The following BNIP3L variants were observed in gnomAD, a reference collection of about 807,000 sequenced individuals.
The protein encoded by BNIP3L is BCL2 interacting protein 3 like.
Under a neutral mutation model 25.5 loss-of-function variants are expected in BNIP3L, and 10 were observed. The observed-to-expected ratio is 0.39, with a 90% CI of 0.24 to 0.67. The LOEUF is 0.67. Among genes scored for constraint, BNIP3L ranks in the 30% least tolerant of loss-of-function variants. The pLI, the probability that BNIP3L is intolerant of heterozygous loss-of-function variation, is 0.45. For synonymous variants in BNIP3L, 113 were observed against 101.2 expected (o/e 1.12, Z -0.70); for missense variants, 215 against 270.9 (o/e 0.79, Z 1.45).
intron 3 of BNIP3L, among the ~76,000 whole-genome samples, 177 bp from the exon 4 acceptor site, chr8:26,407,823 T>C (rs548345485): frequency 1.3e-5 from 2 of 152,324 alleles, no homozygotes; most frequent in South Asian, 2.1e-4. Flanking sequence ...TCTGAAGATA[T>C]TACATACTCT....
intron 3 of BNIP3L, among the ~76,000 whole-genome samples, chr8:26,402,666 T>A (rs1173301922): frequency 6.6e-6 from 1 of 152,214 alleles, no homozygotes; most frequent in African/African-American, 2.4e-5. Flanking sequence ...GGCACTTGCC[T>A]GTAGTCTCAG....
At chr8:26,394,579 A>C (rs1806189549) in intron 2 of BNIP3L, among the ~76,000 whole-genome samples, 1 of 152,218 alleles carries the variant, frequency 6.6e-6, no homozygotes, top group African/African-American at 2.4e-5. Flanking sequence ...CTCCAAGTTA[A>C]TAAGAATAGT....
rs186437889 is a variant in BNIP3L, at chr8:26,410,947, C to G, written c.*535C>G. On this transcript the variant is annotated 3_prime_UTR_variant, in exon 6 of 6. Transcript: ENST00000380629. ...AACAAAACAAAAAAAAAAGGCAAGGCACAACAAAAAAATATCCTGGGCAAT... is the reference window on the plus strand; with the variant it reads ...AACAAAACAAAAAAAAAAGGCAAGGGACAACAAAAAAATATCCTGGGCAAT... 33 of 150,926 alleles carry G rather than the reference C, an allele frequency of 2.2e-4. No individual in the cohort carries two copies. The highest frequency in any genetic ancestry group is 8.0e-4 in the African/African-American group (33 of 41,182). The allele number at this position is 150,926 out of a possible 1,614,324, so 9.3% of individuals were successfully genotyped here. A position where few individuals can be genotyped will look rare whatever the true frequency, so the allele number is the denominator to read the frequency against.
At chr8:26,387,292 A>C (rs78270659) in intron 1 of BNIP3L, among the ~76,000 whole-genome samples, 9,059 of 152,270 alleles carry the variant, frequency 0.059, 404 homozygotes, top group Non-Finnish European at 0.085. Context: ...ATTCCCAAAA[A>C]CCCAAACCAG....
chr8:26,391,498 ATC>A (rs1240308510), intron 2 of BNIP3L, 72 bp downstream of exon 2: 6 of 1,320,966 alleles, frequency 4.5e-6, no homozygotes, highest in Non-Finnish European at 6.0e-6. Context: ...TCTAGGAAAA[ATC>A]TGTTTGCTTA....
intron 3 of BNIP3L, among the ~76,000 whole-genome samples, chr8:26,406,898 C>T (rs1806512470): frequency 6.6e-6 from 1 of 150,872 alleles, no homozygotes; most frequent in African/African-American, 2.4e-5. Context: ...TTTATTTCCT[C>T]ATCACATCTC....
At chr8:26,387,784 T>C (rs895775138) in intron 1 of BNIP3L, among the ~76,000 whole-genome samples, 7 of 152,242 alleles carry the variant, frequency 4.6e-5, no homozygotes, top group African/African-American at 1.7e-4. Flanking sequence ...TTAAGGCTGT[T>C]AATACCTATT....
At chr8:26,383,530 C>T in intron 1 of BNIP3L, 1 of 21,350 alleles carries the variant, frequency 4.7e-5, no homozygotes, top group Non-Finnish European at 8.7e-5. Flanking sequence ...CGGAGCCGGG[C>T]GGGGCGGGGC....
chr8:26,399,961 A>C (rs1410340375), intron 3 of BNIP3L, among the ~76,000 whole-genome samples: 1 of 150,812 alleles, frequency 6.6e-6, no homozygotes, highest in Non-Finnish European at 1.5e-5. Flanking sequence ...GGTAGGAAGA[A>C]TCAATATCGT....
chr8:26,405,808 T>A (rs1001633717), intron 3 of BNIP3L, among the ~76,000 whole-genome samples: 1 of 152,208 alleles, frequency 6.6e-6, no homozygotes, highest in Non-Finnish European at 1.5e-5. Flanking sequence ...TTTGGGAGGC[T>A]GAGGCGTGTA....
At chr8:26,401,330 A>C (rs1416912306) in intron 3 of BNIP3L, among the ~76,000 whole-genome samples, 1 of 140,420 alleles carries the variant, frequency 7.1e-6, no homozygotes. Flanking sequence ...AAAACCAAAC[A>C]CCGCATATTC....
chr8:26,409,776 A>G (rs1236704839), intron 5 of BNIP3L, among the ~76,000 whole-genome samples: 2 of 152,138 alleles, frequency 1.3e-5, no homozygotes, highest in Non-Finnish European at 2.9e-5. Flanking sequence ...CGTTGCTTTA[A>G]TTGCACTGGA....
At chr8:26,392,674 T>C (rs1368797775) in intron 2 of BNIP3L, among the ~76,000 whole-genome samples, 1 of 152,084 alleles carries the variant, frequency 6.6e-6, no homozygotes, top group Non-Finnish European at 1.5e-5. Flanking sequence ...TCTGAACAGC[T>C]TGCCCTTGAT....
intron 3 of BNIP3L, 109 bp downstream of exon 3, chr8:26,395,411 A>G (rs1806211257): frequency 2.6e-6 from 3 of 1,170,242 alleles, no homozygotes; most frequent in East Asian, 2.5e-5. Context: ...GTTTGAAGCT[A>G]TTATTGAGTT....
At chr8:26,386,394 A>G (rs1805992864) in intron 1 of BNIP3L, among the ~76,000 whole-genome samples, 1 of 152,132 alleles carries the variant, frequency 6.6e-6, no homozygotes, top group Admixed American at 6.5e-5. Context: ...TGTTGTTGAG[A>G]AGTATAGCCT....
chr8:26,408,699 C>T (rs377584001), intron 5 of BNIP3L, among the ~76,000 whole-genome samples: 14 of 151,942 alleles, frequency 9.2e-5, no homozygotes, highest in East Asian at 1.9e-4. Context: ...TGGTGAAACC[C>T]GGTCTCTACT....
At position 26,411,832 on chromosome 8, in the gene BNIP3L, G is replaced by T. The variant is rs913192984; in HGVS notation, c.*1420G>T. On this transcript the variant is annotated 3_prime_UTR_variant, in exon 6 of 6. Transcript: ENST00000380629. ...ATAAATAATTACTGTTTATGATATA[G>T]ACATTGATATTGACTATTTAGAGAA... 6.6e-6 allele frequency: 1 copy of T among 152,528 alleles called. No homozygotes were observed. The highest frequency in any genetic ancestry group is 1.5e-5 in the Non-Finnish European group (1 of 68,022). The allele number at this position is 152,528 out of a possible 1,614,324, so 9.4% of individuals were successfully genotyped here. A position where few individuals can be genotyped will look rare whatever the true frequency, so the allele number is the denominator to read the frequency against.
rs1302487607 is a variant in BNIP3L at position 26,412,924 on chromosome 8, A to C, written c.*2512A>C. On this transcript the variant is annotated 3_prime_UTR_variant, in exon 6 of 6. Coordinates refer to ENST00000380629, the MANE Select transcript of BNIP3L (RefSeq NM_004331.3). Reference sequence around the variant, plus strand: ...TTGCAGTAAAAATATTTACTATTCTAAAAAAATGAGAATTGAAGACTTAGC... The same window carrying C: ...TTGCAGTAAAAATATTTACTATTCTCAAAAAATGAGAATTGAAGACTTAGC... 2.0e-5 allele frequency: 3 copies of C among 152,606 alleles called. No individual in the cohort carries two copies. Among genetic ancestry groups the C allele is most frequent in the Non-Finnish European group, 2.9e-5 (2 of 68,036 alleles). 9.5% of individuals were successfully genotyped at this position (152,606 alleles called of 1,614,324 possible).
At chr8:26,388,921 C>T (rs1806048019) in intron 1 of BNIP3L, among the ~76,000 whole-genome samples, 1 of 152,170 alleles carries the variant, frequency 6.6e-6, no homozygotes, top group Non-Finnish European at 1.5e-5. Context: ...GCCCAGGAAT[C>T]AAGGCCGCAG....
Sources: allele counts gnomAD v4.1 joint callset (sites outside exome capture counted in the v4.1 genomes callset), GRCh38; gene constraint gnomAD v4.1.1; transcripts MANE v1.5; gene names NCBI Gene and HGNC (gene_info 2026-07-23, HGNC 2026-07-21).